The following PARD3 variants were observed in gnomAD, a reference collection of about 807,000 sequenced individuals.
PARD3 encodes the protein partitioning defective 3 homolog.
A neutral mutation model predicts 155.4 loss-of-function variants in PARD3; 75 were observed. The ratio of observed to expected loss-of-function variants is 0.48; its 90% CI spans 0.40 to 0.58. PARD3 has a LOEUF of 0.58. PARD3 is among the 20% of genes least tolerant of loss of function. The pLI is 0.00. For missense variants in PARD3, 1,642 were observed against 1,721.7 expected (o/e 0.95, Z 0.82); for synonymous variants, 576 against 610.5 (o/e 0.94, Z 0.83).
intron 2 of PARD3, among the ~76,000 whole-genome samples, chr10:34,543,378 A>G (rs986555550): frequency 4.6e-5 from 7 of 152,204 alleles, no homozygotes; most frequent in Non-Finnish European, 7.3e-5. Context: ...AAATGAGAAG[A>G]GGACTGAAAA....
chr10:34,606,838 A>G (rs2090500041), intron 2 of PARD3, among the ~76,000 whole-genome samples: 1 of 151,440 alleles, frequency 6.6e-6, no homozygotes, highest in African/African-American at 2.4e-5. Flanking sequence ...ATGGTGGTGC[A>G]CGCCTGTAGT....
At chr10:34,616,693 T>C (rs1294247098) in intron 2 of PARD3, among the ~76,000 whole-genome samples, 1 of 152,130 alleles carries the variant, frequency 6.6e-6, no homozygotes, top group Non-Finnish European at 1.5e-5. Flanking sequence ...ATCCCAGCAC[T>C]TTTTGGGAGA....
At chr10:34,476,688 T>A (rs2078728117) in intron 3 of PARD3, among the ~76,000 whole-genome samples, 1 of 152,024 alleles carries the variant, frequency 6.6e-6, no homozygotes, top group Non-Finnish European at 1.5e-5. Flanking sequence ...CCAGTGATCA[T>A]CCACCAAACC....
rs574973209 is a variant in PARD3, at chr10:34,604,432, G to A, written c.223-87273C>T. On this transcript the variant is annotated intron_variant, in intron 2 of 24. Coordinates refer to ENST00000374788, the MANE Select transcript of PARD3 (RefSeq NM_001184785.2). ...CAGCCCACATCTTTCTCCCATGCTG[G>A]ATGCTTCCTCCCCTCAAATATCAGA... Among the ~76,000 whole-genome samples the A allele has an allele frequency of 2.0e-5, 3 of 152,110 alleles. No homozygotes were observed. The South Asian group carries it at 6.2e-4, about 32-fold the overall frequency.
intron 3 of PARD3, among the ~76,000 whole-genome samples, chr10:34,481,043 C>T (rs961103306): frequency 1.3e-5 from 2 of 151,936 alleles, no homozygotes; most frequent in Non-Finnish European, 2.9e-5. Flanking sequence ...CTCAGGTGAT[C>T]CACCCGCCTC....
At position 34,382,734 on chromosome 10, in the gene PARD3, A is replaced by G. The variant is rs767133500; in HGVS notation, c.1205T>C (p.Val402Ala). 58 of 1,614,038 alleles carry G rather than the reference A, an allele frequency of 3.6e-5. No homozygotes were observed. Among genetic ancestry groups the G allele is most frequent in the Non-Finnish European group, 4.7e-5 (55 of 1,180,042 alleles). Reference sequence around the variant, plus strand: ...GTGGTTCAGTCGGGGTGCTCTCTGCACCGTGTGAAGCCCTGCACTGTTCAC... The same window carrying G: ...GTGGTTCAGTCGGGGTGCTCTCTGCGCCGTGTGAAGCCCTGCACTGTTCAC... ...RSVNSAGLHT[V>A]QRAPRLNHPP... The change falls in exon 9 of 25, where the codon GTG (valine) becomes GCG (alanine). Residue 402 changes from valine (V) to alanine (A), a missense_variant. Physicochemically the swap from Val to Ala is moderately conservative, Grantham distance 64 (BLOSUM62 0). Coordinates refer to ENST00000374788, the MANE Select transcript of PARD3 (RefSeq NM_001184785.2).
chr10:34,786,630 T>C (rs1194514401), intron 1 of PARD3, among the ~76,000 whole-genome samples: 1 of 152,040 alleles, frequency 6.6e-6, no homozygotes. Flanking sequence ...TAGAAAGAAA[T>C]GGAATGTGCC....
intron 2 of PARD3, among the ~76,000 whole-genome samples, chr10:34,583,713 A>T (rs1271443258): frequency 2.0e-5 from 3 of 152,234 alleles, no homozygotes; most frequent in Non-Finnish European, 4.4e-5. Context: ...ATATATGTGA[A>T]TCTACTTTGT....
chr10:34,788,507 T>C (rs1274458926), intron 1 of PARD3, among the ~76,000 whole-genome samples: 1 of 150,920 alleles, frequency 6.6e-6, no homozygotes, highest in Non-Finnish European at 1.5e-5. Flanking sequence ...TGGAGTGCAG[T>C]GGCACGATCG....
rs775946207 is a variant in PARD3 at position 34,111,424 on chromosome 10, T to C, written c.3807A>G (p.Gly1269=). ...YQGSRNGYLG[G]HGFNARVMLE... ...GCATGACCCTGGCGTTGAAGCCATGTCCTCCCAGGTAGCCGTTCCTGGAGC... is the reference window on the plus strand; with the variant it reads ...GCATGACCCTGGCGTTGAAGCCATGCCCTCCCAGGTAGCCGTTCCTGGAGC... Residue 1269 remains glycine (G), a synonymous_variant, in exon 25 of 25, where the codon GGA becomes GGG. Coordinates refer to ENST00000374788, the MANE Select transcript of PARD3 (RefSeq NM_001184785.2). The C allele has an allele frequency of 1.9e-6, 3 of 1,614,176 alleles. No individual in the cohort carries two copies. Among genetic ancestry groups the C allele is most frequent in the South Asian group, 1.1e-5 (1 of 91,080 alleles).
chr10:34,293,340 C>CT (rs1956762415), intron 20 of PARD3, among the ~76,000 whole-genome samples: 1 of 152,090 alleles, frequency 6.6e-6, no homozygotes, highest in Non-Finnish European at 1.5e-5. Context: ...GCTTGATGCA[C>CT]TTTATTTTTT....
intron 1 of PARD3, among the ~76,000 whole-genome samples, chr10:34,712,958 C>T (rs1461245292): frequency 6.6e-6 from 1 of 152,204 alleles, no homozygotes; most frequent in Non-Finnish European, 1.5e-5. Context: ...CCTGTAATCA[C>T]AGCACTTTGG....
chr10:34,261,780 G>GA (rs751946906), intron 22 of PARD3, among the ~76,000 whole-genome samples: 1 of 47,576 alleles, frequency 2.1e-5, no homozygotes, highest in African/African-American at 5.8e-5. Flanking sequence ...AAGAAAGAAA[G>GA]AAAAGAAAGA....
chr10:34,442,036 T>C lies in PARD3; in HGVS notation c.714+8281A>G, dbSNP rs183753309. 9.2e-5 allele frequency among the ~76,000 whole-genome samples: 14 copies of C among 152,336 alleles called. No individual in the cohort carries two copies. The East Asian group carries it at 1.5e-3, about 17-fold the overall frequency. On this transcript the variant is annotated intron_variant, in intron 5 of 24. Transcript: ENST00000374788. ...ATGTTTTTAGTTTCTACATTTGGTG[T>C]TGCTAGAGATAAACACGACTATTTT...
chr10:34,724,261 C>T (rs2094660162), intron 1 of PARD3, among the ~76,000 whole-genome samples: 1 of 152,040 alleles, frequency 6.6e-6, no homozygotes, highest in African/African-American at 2.4e-5. Context: ...TTGGAAACTG[C>T]ATTGTGATCT....
At chr10:34,751,959 C>T (rs1265858503) in intron 1 of PARD3, among the ~76,000 whole-genome samples, 1 of 152,040 alleles carries the variant, frequency 6.6e-6, no homozygotes, top group Non-Finnish European at 1.5e-5. Context: ...TCTTTAGCCT[C>T]TCAGCTTCCT....
At chr10:34,150,489 C>T (rs1948724107) in intron 22 of PARD3, among the ~76,000 whole-genome samples, 1 of 152,152 alleles carries the variant, frequency 6.6e-6, no homozygotes, top group Admixed American at 6.6e-5. Flanking sequence ...AGTTGAGTCA[C>T]AGCAAGAGAG....
At chr10:34,204,788 G>C (rs1251398743) in intron 22 of PARD3, among the ~76,000 whole-genome samples, 1 of 152,140 alleles carries the variant, frequency 6.6e-6, no homozygotes, top group African/African-American at 2.4e-5. Flanking sequence ...TGAATTCGTG[G>C]TATCTATATT....
intron 1 of PARD3, among the ~76,000 whole-genome samples, chr10:34,802,219 T>TTA (rs1448471376): frequency 6.6e-6 from 1 of 152,156 alleles, no homozygotes; most frequent in East Asian, 1.9e-4. Context: ...TGGGTGATCT[T>TTA]TATATCTTCA....
Sources: gnomAD v4.1 joint callset for allele counts (sites outside exome capture counted in the v4.1 genomes callset) on GRCh38, gnomAD v4.1.1 for gene constraint, MANE v1.5 for transcripts, NCBI Gene and HGNC (gene_info 2026-07-23, HGNC 2026-07-21) for gene names.